GRIA1: variants seen among roughly 807,000 people sequenced by gnomAD.
The protein encoded by GRIA1 is glutamate ionotropic receptor AMPA type subunit 1, also known as glutamate receptor 1.
Under a neutral mutation model 99.2 loss-of-function variants are expected in GRIA1, and 31 were observed. The ratio of observed to expected loss-of-function variants is 0.31; its 90% confidence interval spans 0.23 to 0.42. GRIA1 has a LOEUF of 0.42. Ranked by LOEUF, GRIA1 falls within the 10% of genes least tolerant of loss-of-function variation. The probability of loss-of-function intolerance (pLI) is 1.00; values close to 1 mark genes in which losing one functional copy is unlikely to be tolerated. For synonymous variants in GRIA1, 438 were observed against 432.4 expected, an observed-to-expected ratio of 1.01 and a Z score of -0.16; for missense variants, 782 against 1,157.5, an observed-to-expected ratio of 0.68 and a Z score of 4.71.
intron 11 of GRIA1, among the ~76,000 whole-genome samples, chr5:153,718,694 T>C (rs1759834909): frequency 6.6e-6 from 1 of 152,160 alleles, no homozygotes. Flanking sequence ...ATTATGTTAA[T>C]CACCTCACTT....
At chr5:153,536,806 T>C (rs1030135408) in intron 2 of GRIA1, among the ~76,000 whole-genome samples, 1 of 152,236 alleles carries the variant, frequency 6.6e-6, no homozygotes, top group Admixed American at 6.5e-5. Context: ...CTTATTTTTC[T>C]ACATCTTTAA....
chr5:153,574,752 A>G (rs1283074875), intron 2 of GRIA1, among the ~76,000 whole-genome samples: 2 of 152,122 alleles, frequency 1.3e-5, no homozygotes, highest in East Asian at 3.9e-4. Context: ...AGAAATTATT[A>G]TAATAAAGAT....
intron 2 of GRIA1, among the ~76,000 whole-genome samples, chr5:153,608,835 T>G (rs1765687160): frequency 6.6e-6 from 1 of 152,206 alleles, no homozygotes; most frequent in Non-Finnish European, 1.5e-5. Context: ...TTTGCAAAAT[T>G]TCTTTGCAGA....
intron 12 of GRIA1, among the ~76,000 whole-genome samples, chr5:153,764,859 C>T (rs762240001): frequency 8.5e-5 from 13 of 152,182 alleles, no homozygotes; most frequent in Non-Finnish European, 1.8e-4. Context: ...ATTTGGATCC[C>T]TTGCCTGTAT....
chr5:153,763,021 G>T (rs781749473), intron 11 of GRIA1, among the ~76,000 whole-genome samples: 1 of 152,016 alleles, frequency 6.6e-6, no homozygotes. Context: ...GCTTTGCTCC[G>T]CTCTCCTGGT....
At chr5:153,730,288 C>G (rs151181065) in intron 11 of GRIA1, among the ~76,000 whole-genome samples, 4 of 152,230 alleles carry the variant, frequency 2.6e-5, no homozygotes, top group African/African-American at 9.6e-5. Flanking sequence ...TGACTCCAAG[C>G]TCCATGAAGG....
At chr5:153,787,049 G>A (rs1440764086) in intron 13 of GRIA1, among the ~76,000 whole-genome samples, 1 of 152,204 alleles carries the variant, frequency 6.6e-6, no homozygotes, top group African/African-American at 2.4e-5. Flanking sequence ...CAGAATTGAA[G>A]CCCAACATTC....
chr5:153,655,544 C>T (rs1754878491), intron 4 of GRIA1, among the ~76,000 whole-genome samples: 1 of 152,164 alleles, frequency 6.6e-6, no homozygotes, highest in South Asian at 2.1e-4. Context: ...CCCTTGGAAT[C>T]AGACAAAACT....
intron 11 of GRIA1, among the ~76,000 whole-genome samples, chr5:153,737,467 C>T (rs372340471): frequency 2.6e-5 from 4 of 152,166 alleles, no homozygotes; most frequent in East Asian, 3.9e-4. Context: ...CAAAGCAATA[C>T]GATGGAAACA....
At chr5:153,632,039 A>G (rs531751942) in intron 2 of GRIA1, among the ~76,000 whole-genome samples, 9 of 152,288 alleles carry the variant, frequency 5.9e-5, no homozygotes, top group East Asian at 1.9e-4. Flanking sequence ...AGGAGTTGGG[A>G]CTTTATTCAA....
At chr5:153,568,296 C>T (rs1037274417) in intron 2 of GRIA1, among the ~76,000 whole-genome samples, 1 of 152,198 alleles carries the variant, frequency 6.6e-6, no homozygotes, top group Non-Finnish European at 1.5e-5. Context: ...AGAAGCTAAT[C>T]CAAATCTGCT....
intron 11 of GRIA1, among the ~76,000 whole-genome samples, chr5:153,713,540 G>A (rs1359662155): frequency 2.0e-5 from 3 of 152,226 alleles, no homozygotes; most frequent in Non-Finnish European, 2.9e-5. Flanking sequence ...ACAGACCTTT[G>A]AGAAGAAGAG....
intron 2 of GRIA1, among the ~76,000 whole-genome samples, chr5:153,633,049 A>G (rs1298785952): frequency 1.3e-5 from 2 of 152,164 alleles, no homozygotes; most frequent in Non-Finnish European, 1.5e-5. Flanking sequence ...ATATGCATCT[A>G]TGTGGGTGGG....
intron 2 of GRIA1, among the ~76,000 whole-genome samples, chr5:153,513,149 C>T (rs1756268693): frequency 6.6e-6 from 1 of 152,062 alleles, no homozygotes; most frequent in Admixed American, 6.6e-5. Flanking sequence ...TGACTAACAC[C>T]ACTGGTAATT....
intron 5 of GRIA1, among the ~76,000 whole-genome samples, chr5:153,667,951 T>C (rs2149478285): frequency 6.6e-6 from 1 of 152,338 alleles, no homozygotes; most frequent in East Asian, 1.9e-4. Flanking sequence ...ATTAACTAGT[T>C]TACTTAATTG....
intron 8 of GRIA1, among the ~76,000 whole-genome samples, chr5:153,688,721 C>CTTTTT (rs921251469): frequency 1.2e-3 from 187 of 151,156 alleles, no homozygotes; most frequent in South Asian, 4.2e-3. Context: ...CTTTCAGATT[C>CTTTTT]TTTTTTTGTT....
intron 2 of GRIA1, among the ~76,000 whole-genome samples, chr5:153,535,358 GT>G (rs1431266200): frequency 2.0e-5 from 3 of 152,172 alleles, no homozygotes; most frequent in Non-Finnish European, 4.4e-5. Context: ...TTATCCAGTT[GT>G]TTATTCAATT....
At chr5:153,729,207 G>A (rs1254640092) in intron 11 of GRIA1, among the ~76,000 whole-genome samples, 3 of 151,054 alleles carry the variant, frequency 2.0e-5, no homozygotes, top group Non-Finnish European at 4.4e-5. Flanking sequence ...ACATAGGAAG[G>A]GGAACATCAC....
intron 14 of GRIA1, among the ~76,000 whole-genome samples, chr5:153,801,960 G>T (rs1361676468): frequency 1.8e-4 from 26 of 142,270 alleles, no homozygotes; most frequent in East Asian, 1.7e-3. Flanking sequence ...GGCGGGGGGG[G>T]GCGGGGGGCA....
Sources: allele counts gnomAD v4.1 joint callset (sites outside exome capture counted in the v4.1 genomes callset), GRCh38; gene constraint gnomAD v4.1.1; transcripts MANE v1.5; gene names NCBI Gene and HGNC (gene_info 2026-07-23, HGNC 2026-07-21).